The following RPGRIP1 variants were observed in gnomAD, a reference collection of about 807,000 sequenced individuals.
RPGRIP1 encodes the protein X-linked retinitis pigmentosa GTPase regulator-interacting protein 1.
In RPGRIP1, 128 loss-of-function variants were observed where a neutral mutation model predicts 157.9. The ratio of observed to expected loss-of-function variants is 0.81; its 90% CI spans 0.70 to 0.94. The LOEUF (loss-of-function observed/expected upper bound fraction) is 0.94, where lower values mean the gene tolerates loss of function less well. RPGRIP1 is among the 40% of genes least tolerant of loss of function. RPGRIP1 has a pLI of 0.00. For synonymous variants in RPGRIP1, 554 were observed against 571.6 expected (o/e 0.97, Z 0.44); for missense variants, 1,486 against 1,545.8 (o/e 0.96, Z 0.65).
intron 3 of RPGRIP1, 24 bp from the exon 4 acceptor site, chr14:21,300,942 G>A (rs759575711): frequency 1.2e-6 from 2 of 1,606,962 alleles, no homozygotes; most frequent in Non-Finnish European, 1.7e-6. Context: ...GAAAGGAGAA[G>A]CCACGTGCTC....
intron 21 of RPGRIP1, among the ~76,000 whole-genome samples, chr14:21,341,277 C>T (rs1290998231): frequency 6.6e-6 from 1 of 152,112 alleles, no homozygotes; most frequent in Non-Finnish European, 1.5e-5. Context: ...GTCAACTGCC[C>T]GCCTCGGCCT....
intron 5 of RPGRIP1, 77 bp from the exon 6 acceptor site, chr14:21,303,254 A>C (rs558500004): frequency 6.2e-6 from 6 of 974,006 alleles, no homozygotes; most frequent in Non-Finnish European, 9.3e-6. Flanking sequence ...TGATTCACTT[A>C]ATTTCTTTTT....
At chr14:21,320,648 G>A (rs1361305057) in intron 12 of RPGRIP1, among the ~76,000 whole-genome samples, 1 of 139,688 alleles carries the variant, frequency 7.2e-6, no homozygotes, top group African/African-American at 2.7e-5. Context: ...TTCCCAGGCT[G>A]GAGTGCAATG....
intron 21 of RPGRIP1, among the ~76,000 whole-genome samples, chr14:21,335,209 G>A (rs1884221019): frequency 6.6e-6 from 1 of 152,134 alleles, no homozygotes; most frequent in Non-Finnish European, 1.5e-5. Flanking sequence ...CAGATAAAAG[G>A]ATCATTTTCT....
chr14:21,292,486 C>A (rs1023417270), intron 2 of RPGRIP1, among the ~76,000 whole-genome samples: 1 of 151,920 alleles, frequency 6.6e-6, no homozygotes, highest in Non-Finnish European at 1.5e-5. Context: ...ATTGGGAGGC[C>A]AAGGCAGGAG....
intron 9 of RPGRIP1, 22 bp from the exon 10 acceptor site, chr14:21,312,411 C>T: frequency 1.3e-6 from 2 of 1,558,228 alleles, no homozygotes; most frequent in Non-Finnish European, 1.8e-6. Flanking sequence ...CATTTTATCT[C>T]AAGGGCTACT....
At chr14:21,350,437 G>GA (rs1181917759) in intron 24 of RPGRIP1, among the ~76,000 whole-genome samples, 2 of 151,398 alleles carry the variant, frequency 1.3e-5, no homozygotes, top group African/African-American at 4.9e-5. Flanking sequence ...ATTGTCTTGT[G>GA]AAACTTGTTT....
At chr14:21,294,602 A>G in intron 2 of RPGRIP1, 75 bp from the exon 3 acceptor site, 1 of 1,387,234 alleles carries the variant, frequency 7.2e-7, no homozygotes, top group Non-Finnish European at 1.0e-6. Flanking sequence ...TCTGGACAAG[A>G]TGTGATGAGA....
Position 21,302,484 on chromosome 14 carries a change from T to C in RPGRIP1, c.491-4T>C. 1 of 1,527,672 alleles carries C rather than the reference T, an allele frequency of 6.5e-7. No homozygotes were observed. Among genetic ancestry groups the C allele is most frequent in the Non-Finnish European group, 8.9e-7 (1 of 1,126,724 alleles). The allele number at this position is 1,527,672 out of a possible 1,614,324, so 94.6% of individuals were successfully genotyped here. The stretch of plus-strand genomic sequence containing the variant: ...GAGTCTGCATCTTCTGTCTAAACTT[T>C]TAGGGCCAAGGGACAGGCTGAGCTA... On this transcript the variant is annotated splice_region_variant and splice_polypyrimidine_tract_variant and intron_variant, in intron 4 of 24. Transcript: ENST00000400017.
At position 21,294,716 on chromosome 14, in the gene RPGRIP1, A is replaced by ACCGGGAGGAATTGGAGGAC; in HGVS notation, c.126_144dup (p.Ser49ProfsTer28). ...ACTCAACCACCCTTGAGCAGGATGA[A>ACCGGGAGGAATTGGAGGAC]CCGGGAGGAATTGGAGGACAGTTTC... On this transcript the variant is annotated frameshift_variant, in exon 3 of 25. Transcript: ENST00000400017. LOFTEE classifies it high-confidence loss of function. 1 of 1,613,652 alleles carries ACCGGGAGGAATTGGAGGAC rather than the reference A, an allele frequency of 6.2e-7. No homozygotes were observed. The highest frequency in any genetic ancestry group is 8.5e-7 in the Non-Finnish European group (1 of 1,179,726).
In RPGRIP1 at chr14:21,345,188, AT is replaced by A. The variant is rs61751271; in HGVS notation, c.3609del (p.Gln1204LysfsTer4). On this transcript the variant is annotated frameshift_variant, in exon 23 of 25. Coordinates refer to ENST00000400017, the MANE Select transcript of RPGRIP1 (RefSeq NM_020366.4). LOFTEE classifies it high-confidence loss of function. ...LFDMLNGQDP[D>X]QGHLKFTVVS... ...GACATGCTGAATGGACAAGATCCTG[AT>A]CAAGGACAGTAAGCATCTGCTTTCC... 1 of 1,611,754 alleles carries A rather than the reference AT, an allele frequency of 6.2e-7. No individual in the cohort carries two copies. Among genetic ancestry groups the A allele is most frequent in the Non-Finnish European group, 8.5e-7 (1 of 1,178,340 alleles).
chr14:21,288,223 C>A (rs2139132542), intron 2 of RPGRIP1, among the ~76,000 whole-genome samples, 162 bp downstream of exon 2: 1 of 150,826 alleles, frequency 6.6e-6, no homozygotes. Context: ...CTCTGTCACC[C>A]AGGCTGGAGC....
At chr14:21,302,691 T>A (rs959332562) in intron 5 of RPGRIP1, 107 bp downstream of exon 5, 18 of 685,202 alleles carry the variant, frequency 2.6e-5, no homozygotes, top group Non-Finnish European at 3.8e-5. Flanking sequence ...TTCAGCATGA[T>A]CAGGGAAGAT....
At chr14:21,287,006 G>C (rs1880321588) in intron 1 of RPGRIP1, among the ~76,000 whole-genome samples, 1 of 145,806 alleles carries the variant, frequency 6.9e-6, no homozygotes, top group Non-Finnish European at 1.5e-5. Context: ...CTGGGGGACA[G>C]AATAAGACCC....
At chr14:21,310,307 T>A (rs956338550) in intron 7 of RPGRIP1, among the ~76,000 whole-genome samples, 3 of 152,184 alleles carry the variant, frequency 2.0e-5, no homozygotes, top group Non-Finnish European at 4.4e-5. Context: ...TAATTTAAGA[T>A]TAAACATTTT....
At position 21,330,296 on chromosome 14, in the gene RPGRIP1, A is replaced by G; in HGVS notation, c.3147A>G (p.Ile1049Met). ...AGTTCTCAGAGACTAACAGCTTCAT[A>G]GGTGATGGCTTTAAAAATCAGCACG... ...EWKFSETNSF[I>M]GDGFKNQHEE... The change falls in exon 20 of 25, where the codon ATA becomes ATG. Residue 1049 changes from isoleucine to methionine, a missense_variant. Ile to Met is a conservative substitution (Grantham distance 10). Transcript: ENST00000400017. 1 of 1,580,680 alleles carries G rather than the reference A, an allele frequency of 6.3e-7. No homozygotes were observed. The highest frequency in any genetic ancestry group is 8.6e-7 in the Non-Finnish European group (1 of 1,166,414).
At chr14:21,345,279 C>T in intron 23 of RPGRIP1, 82 bp downstream of exon 23, 1 of 913,558 alleles carries the variant, frequency 1.1e-6, no homozygotes, top group Non-Finnish European at 1.7e-6. Flanking sequence ...TGTGCTGATG[C>T]TGAATATTTT....
chr14:21,321,446 G>T lies in RPGRIP1; in HGVS notation c.1611+44G>T, dbSNP rs370102409. On this transcript the variant is annotated intron_variant, in intron 13 of 24. Transcript: ENST00000400017. ...CAGGAAGGGGATGGATAACAGGAAC[G>T]TGGGAACCACTCACAGGACTGGGAA... 10 of 1,584,338 alleles carry T rather than the reference G, an allele frequency of 6.3e-6. No homozygotes were observed. The East Asian group carries it at 9.0e-5, about 14-fold the overall frequency.
intron 13 of RPGRIP1, chr14:21,321,618 C>A: frequency 9.0e-7 from 1 of 1,109,404 alleles, no homozygotes; most frequent in Non-Finnish European, 1.2e-6. Context: ...CCAGCCCATG[C>A]CAATGGCAAG....
Sources: allele counts gnomAD v4.1 joint callset (sites outside exome capture counted in the v4.1 genomes callset), GRCh38; gene constraint gnomAD v4.1.1; transcripts MANE v1.5; gene names NCBI Gene and HGNC (gene_info 2026-07-23, HGNC 2026-07-21).